The following RAPGEF4 variants were observed in gnomAD, a reference collection of about 807,000 sequenced individuals.
RAPGEF4 encodes RAP guanine-nucleotide-exchange factor (GEF) 4.
RAPGEF4 carries 66 observed loss-of-function variants against 147.9 expected under a neutral mutation model. The ratio of observed to expected loss-of-function variants is 0.45; its 90% CI spans 0.37 to 0.55. The LOEUF is 0.55. Ranked by LOEUF, RAPGEF4 falls within the 20% of genes least tolerant of loss-of-function variation. The probability of loss-of-function intolerance (pLI) is 0.00; values close to 1 mark genes in which losing one functional copy is unlikely to be tolerated. For synonymous variants in RAPGEF4, 419 were observed against 442.7 expected, an observed-to-expected ratio of 0.95 and a Z score of 0.67; for missense variants, 1,071 against 1,257.3, an observed-to-expected ratio of 0.85 and a Z score of 2.24.
intron 29 of RAPGEF4, among the ~76,000 whole-genome samples, chr2:173,044,096 C>G (rs557893376): frequency 6.6e-6 from 1 of 152,148 alleles, no homozygotes; most frequent in Non-Finnish European, 1.5e-5. Flanking sequence ...CAGGGTAGCA[C>G]AGAGTAGCAC....
chr2:173,026,479 G>C, intron 23 of RAPGEF4, 93 bp from the exon 24 acceptor site: 1 of 1,363,966 alleles, frequency 7.3e-7, no homozygotes, highest in South Asian at 1.5e-5. Flanking sequence ...TCCATCTCCA[G>C]AATCCTTTCC....
intron 6 of RAPGEF4, among the ~76,000 whole-genome samples, chr2:172,926,954 T>C: frequency 6.6e-6 from 1 of 152,208 alleles, no homozygotes; most frequent in East Asian, 1.9e-4. Context: ...GCTTTCTCGC[T>C]ATAAATCACC....
At chr2:172,933,135 A>T (rs1238660324) in intron 6 of RAPGEF4, among the ~76,000 whole-genome samples, 1 of 152,160 alleles carries the variant, frequency 6.6e-6, no homozygotes, top group Non-Finnish European at 1.5e-5. Context: ...CTCATTCACA[A>T]AAACAGGAAG....
intron 4 of RAPGEF4, among the ~76,000 whole-genome samples, chr2:172,915,721 G>C (rs1360455213): frequency 1.3e-5 from 1 of 78,966 alleles, no homozygotes; most frequent in Non-Finnish European, 2.8e-5. Context: ...AAAAAAAAAA[G>C]ATATCTGAGT....
chr2:172,874,370 G>T (rs1467275954), intron 4 of RAPGEF4, among the ~76,000 whole-genome samples: 1 of 152,000 alleles, frequency 6.6e-6, no homozygotes, highest in African/African-American at 2.4e-5. Flanking sequence ...TTTACATTAG[G>T]TATATCTCCT....
intron 6 of RAPGEF4, among the ~76,000 whole-genome samples, chr2:172,925,221 C>T (rs1438254153): frequency 2.0e-5 from 3 of 152,118 alleles, no homozygotes; most frequent in Non-Finnish European, 4.4e-5. Flanking sequence ...CCTCATGATC[C>T]GCCCGCCTCG....
intron 17 of RAPGEF4, among the ~76,000 whole-genome samples, chr2:173,009,058 C>A (rs1046075944): frequency 1.3e-5 from 2 of 152,094 alleles, no homozygotes; most frequent in Admixed American, 1.3e-4. Context: ...GGTTCAGTTC[C>A]GAGAAGATTT....
intron 25 of RAPGEF4, among the ~76,000 whole-genome samples, chr2:173,029,415 TA>T (rs1696971431): frequency 6.6e-6 from 1 of 152,230 alleles, no homozygotes; most frequent in South Asian, 2.1e-4. Flanking sequence ...TTTCTCTTTC[TA>T]AAAAATGGTT....
chr2:172,804,036 A>T (rs1239631897), intron 3 of RAPGEF4, among the ~76,000 whole-genome samples: 2 of 152,152 alleles, frequency 1.3e-5, no homozygotes, highest in Non-Finnish European at 2.9e-5. Flanking sequence ...GACATGTGGG[A>T]ATTGTGGGAG....
At chr2:172,987,250 C>T (rs917305422) in intron 12 of RAPGEF4, among the ~76,000 whole-genome samples, 2 of 152,034 alleles carry the variant, frequency 1.3e-5, no homozygotes, top group East Asian at 1.9e-4. Context: ...TGCAGTGAGC[C>T]GTGATCACGC....
chr2:172,863,719 A>G (rs185225869), intron 4 of RAPGEF4, among the ~76,000 whole-genome samples: 27 of 152,282 alleles, frequency 1.8e-4, no homozygotes, highest in African/African-American at 6.0e-4. Context: ...AATTATACCA[A>G]ACCCCCAACT....
chr2:172,972,582 G>T (rs1190383730), intron 10 of RAPGEF4, among the ~76,000 whole-genome samples: 1 of 152,198 alleles, frequency 6.6e-6, no homozygotes, highest in Admixed American at 6.5e-5. Flanking sequence ...GTGAAAGCTT[G>T]TAGAATTTAC....
intron 4 of RAPGEF4, among the ~76,000 whole-genome samples, chr2:172,827,543 C>T (rs1398240193): frequency 6.6e-6 from 1 of 152,032 alleles, no homozygotes; most frequent in Admixed American, 6.6e-5. Context: ...CTTCTCTGTC[C>T]TCAAGCCTCA....
At chr2:172,757,476 C>T (rs1695886546) in intron 1 of RAPGEF4, among the ~76,000 whole-genome samples, 2 of 152,292 alleles carry the variant, frequency 1.3e-5, no homozygotes, top group East Asian at 1.9e-4. Flanking sequence ...TGTCTCTTCC[C>T]TACTACTGAG....
At chr2:172,997,817 A>T (rs541347205) in intron 16 of RAPGEF4, among the ~76,000 whole-genome samples, 1 of 152,316 alleles carries the variant, frequency 6.6e-6, no homozygotes, top group East Asian at 1.9e-4. Context: ...CTATATATTC[A>T]AGTTGAAGAT....
At chr2:172,980,102 C>T (rs778617250) in intron 10 of RAPGEF4, among the ~76,000 whole-genome samples, 1 of 152,270 alleles carries the variant, frequency 6.6e-6, no homozygotes, top group Non-Finnish European at 1.5e-5. Flanking sequence ...AAAAGTCCTG[C>T]AGGCATGAAA....
chr2:173,040,375 G>A (rs3820838), intron 29 of RAPGEF4, among the ~76,000 whole-genome samples: 39,064 of 152,042 alleles, frequency 0.26, 5,291 homozygotes, highest in Admixed American at 0.35. Flanking sequence ...GGCTGCTGTT[G>A]TTACTGTGGG....
At chr2:172,791,955 CT>C (rs1244333852) in intron 1 of RAPGEF4, among the ~76,000 whole-genome samples, 1 of 152,214 alleles carries the variant, frequency 6.6e-6, no homozygotes, top group Admixed American at 6.5e-5. Context: ...AAGATGGATT[CT>C]AATCTCTGTT....
chr2:172,856,347 T>A (rs1320720831), intron 4 of RAPGEF4, among the ~76,000 whole-genome samples: 1 of 152,256 alleles, frequency 6.6e-6, no homozygotes, highest in Non-Finnish European at 1.5e-5. Context: ...TTCTTTTATG[T>A]CCTTGAGCAC....
Sources: gnomAD v4.1 joint callset for allele counts (sites outside exome capture counted in the v4.1 genomes callset) on GRCh38, gnomAD v4.1.1 for gene constraint, MANE v1.5 for transcripts, NCBI Gene and HGNC (gene_info 2026-07-23, HGNC 2026-07-21) for gene names.